Variants in ZNF704 observed in about 807,000 individuals in gnomAD.
The protein encoded by ZNF704 is glucocorticoid induced gene 1.
Under a neutral mutation model 44.7 loss-of-function variants are expected in ZNF704, and 10 were observed. The ratio of observed to expected loss-of-function variants is 0.22; its 90% CI spans 0.14 to 0.38. ZNF704 has a LOEUF of 0.38. Ranked by LOEUF, ZNF704 falls within the 10% of genes least tolerant of loss-of-function variation. ZNF704 has a pLI of 1.00. For synonymous variants in ZNF704, 211 were observed against 207.6 expected (o/e 1.02, Z -0.14); for missense variants, 390 against 545.5 (o/e 0.71, Z 2.84).
At chr8:80,652,688 C>T (rs1817943040) in intron 7 of ZNF704, among the ~76,000 whole-genome samples, 1 of 151,624 alleles carries the variant, frequency 6.6e-6, no homozygotes, top group Non-Finnish European at 1.5e-5. Context: ...AGCTTACCAA[C>T]CAAAAAAAGT....
intron 4 of ZNF704, among the ~76,000 whole-genome samples, chr8:80,677,813 A>T (rs1318343706): frequency 6.6e-6 from 1 of 152,190 alleles, no homozygotes; most frequent in Non-Finnish European, 1.5e-5. Context: ...GGGATATCTT[A>T]ATTTGTTTAA....
intron 1 of ZNF704, among the ~76,000 whole-genome samples, chr8:80,833,993 G>GGTCC (rs1808515034): frequency 6.6e-6 from 1 of 152,150 alleles, no homozygotes; most frequent in Non-Finnish European, 1.5e-5. Context: ...TAATGTCAGA[G>GGTCC]GTCCTATCTA....
At chr8:80,790,919 C>T (rs892387893) in intron 2 of ZNF704, among the ~76,000 whole-genome samples, 2 of 151,948 alleles carry the variant, frequency 1.3e-5, no homozygotes, top group African/African-American at 2.4e-5. Context: ...CTTATGAAAA[C>T]GGTGGAAGAA....
chr8:80,790,497 T>C lies in ZNF704; in HGVS notation c.221+30877A>G, dbSNP rs1807685893. On this transcript the variant is annotated intron_variant, in intron 2 of 8. Transcript: ENST00000327835. ...TCACCTATGTAAATACACACACACATACATGAGGTGGGACCAGTTTACAGA... is the reference window on the plus strand; with the variant it reads ...TCACCTATGTAAATACACACACACACACATGAGGTGGGACCAGTTTACAGA... 5.9e-5 allele frequency among the ~76,000 whole-genome samples: 9 copies of C among 152,114 alleles called. No homozygotes were observed. The South Asian group carries it at 1.7e-3, about 28-fold the overall frequency.
rs78157784 is a variant in ZNF704, at chr8:80,788,707, C to T, written c.221+32667G>A. Among the ~76,000 whole-genome samples the T allele has an allele frequency of 5.9e-5, 9 of 152,254 alleles. No homozygotes were observed. The East Asian group carries it at 9.7e-4, about 16-fold the overall frequency. On this transcript the variant is annotated intron_variant, in intron 2 of 8. Transcript: ENST00000327835. The stretch of plus-strand genomic sequence containing the variant: ...AAGTCACAAGGAGTCTGGGCCTTTA[C>T]GACACCTGAGCCACTGCATATACTG...
chr8:80,848,535 T>A (rs1808804983), intron 1 of ZNF704, among the ~76,000 whole-genome samples: 1 of 152,172 alleles, frequency 6.6e-6, no homozygotes, highest in Non-Finnish European at 1.5e-5. Context: ...GGTGAATTTA[T>A]AATTATCTTT....
chr8:80,878,275 AGG>A, upstream of ZNF704, among the ~76,000 whole-genome samples: 1 of 150,934 alleles, frequency 6.6e-6, no homozygotes, highest in Non-Finnish European at 1.5e-5. Context: ...GAAGGAAGGA[AGG>A]AAGGAAGGAA....
intron 1 of ZNF704, among the ~76,000 whole-genome samples, chr8:80,841,186 C>G (rs1225888890): frequency 6.6e-6 from 1 of 152,240 alleles, no homozygotes; most frequent in East Asian, 1.9e-4. Context: ...CTCTTCTGCA[C>G]ATGGCAACGA....
At chr8:80,791,498 T>A (rs1466237082) in intron 2 of ZNF704, among the ~76,000 whole-genome samples, 2 of 152,134 alleles carry the variant, frequency 1.3e-5, no homozygotes, top group Non-Finnish European at 1.5e-5. Flanking sequence ...CACAGGGGCA[T>A]GTTTAGTGGG....
chr8:80,882,701 A>T, the ZNF704 span, among the ~76,000 whole-genome samples: 1 of 152,112 alleles, frequency 6.6e-6, no homozygotes. Context: ...ATTTTCCTTC[A>T]ATTTTGATTT....
chr8:80,643,683 C>T (rs1817782711), intron 7 of ZNF704, among the ~76,000 whole-genome samples: 1 of 152,074 alleles, frequency 6.6e-6, no homozygotes, highest in South Asian at 2.1e-4. Context: ...TTTTTTACTT[C>T]ATATCTATGC....
In ZNF704 at chr8:80,826,720, T is replaced by C. The variant is rs559509115; in HGVS notation, c.-21-5105A>G. On this transcript the variant is annotated intron_variant, in intron 1 of 8. Transcript: ENST00000327835. ...ATCCAGCAGCATATCACAAAGCTTA[T>C]CCACCACAAGCAAGTTGGCTTCATC... Among the ~76,000 whole-genome samples the C allele has an allele frequency of 7.2e-5, 11 of 152,264 alleles. No individual in the cohort carries two copies. The South Asian group carries it at 2.3e-3, about 32-fold the overall frequency.
intron 2 of ZNF704, among the ~76,000 whole-genome samples, chr8:80,715,064 T>C (rs1819050967): frequency 6.6e-6 from 1 of 152,210 alleles, no homozygotes; most frequent in Non-Finnish European, 1.5e-5. Flanking sequence ...ATTAAATTAC[T>C]CATTAAAATA....
chr8:80,642,463 A>G (rs979976353), intron 8 of ZNF704, among the ~76,000 whole-genome samples: 11 of 152,080 alleles, frequency 7.2e-5, no homozygotes, highest in African/African-American at 2.4e-4. Context: ...CAGTGTAGAT[A>G]CACTGAACAA....
intron 1 of ZNF704, among the ~76,000 whole-genome samples, chr8:80,829,673 A>C (rs1017280636): frequency 5.3e-5 from 8 of 152,220 alleles, no homozygotes; most frequent in Admixed American, 1.3e-4. Flanking sequence ...ATACTGTTAT[A>C]ACTGTATGTC....
chr8:80,840,266 G>A lies in ZNF704; in HGVS notation c.-21-18651C>T, dbSNP rs114605446. ...GAGGTCCAGGATGGCTTTGACTGTG[G>A]CCAACACAAATTCATAAACTTTCTT... On this transcript the variant is annotated intron_variant, in intron 1 of 8. Coordinates refer to ENST00000327835, the MANE Select transcript of ZNF704 (RefSeq NM_001033723.3). Among the ~76,000 whole-genome samples the A allele has an allele frequency of 2.0e-3, 297 of 152,268 alleles. 1 individual carries two copies. The highest frequency in any genetic ancestry group is 6.8e-3 in the African/African-American group (281 of 41,548).
intron 2 of ZNF704, among the ~76,000 whole-genome samples, chr8:80,753,468 G>A (rs536782027): frequency 4.0e-5 from 6 of 151,790 alleles, no homozygotes; most frequent in Admixed American, 2.0e-4. Flanking sequence ...AAAGGAGGGG[G>A]GACAAGAAAA....
intron 2 of ZNF704, among the ~76,000 whole-genome samples, chr8:80,747,361 C>T (rs530626430): frequency 6.6e-6 from 1 of 151,978 alleles, no homozygotes. Context: ...ATAGTTTATA[C>T]CATAAATAGC....
upstream of ZNF704, among the ~76,000 whole-genome samples, chr8:80,875,268 G>T (rs1036538128): frequency 2.0e-5 from 3 of 151,860 alleles, no homozygotes; most frequent in Non-Finnish European, 4.4e-5. Flanking sequence ...GTAGTAAGTG[G>T]TATTTCTTCT....
Sources: gnomAD v4.1 joint callset for allele counts (sites outside exome capture counted in the v4.1 genomes callset) on GRCh38, gnomAD v4.1.1 for gene constraint, MANE v1.5 for transcripts, NCBI Gene and HGNC (gene_info 2026-07-23, HGNC 2026-07-21) for gene names.